The following BABAM2 variants were observed in gnomAD, a reference collection of about 807,000 sequenced individuals.
BABAM2 encodes BRISC and BRCA1 A complex member 2.
Under a neutral mutation model 54.7 loss-of-function variants are expected in BABAM2, and 31 were observed. That is an observed-to-expected ratio of 0.57 (90% confidence interval 0.43 to 0.77). BABAM2 has a LOEUF of 0.77. Among genes scored for constraint, BABAM2 ranks in the 30% least tolerant of loss-of-function variants. The pLI is 0.00. For missense variants in BABAM2, 364 were observed against 455.8 expected (o/e 0.80, Z 1.83); for synonymous variants, 167 against 162.9 (o/e 1.03, Z -0.19).
At chr2:28,048,499 A>G (rs1239091123) in intron 6 of BABAM2, among the ~76,000 whole-genome samples, 1 of 152,196 alleles carries the variant, frequency 6.6e-6, no homozygotes, top group Non-Finnish European at 1.5e-5. Flanking sequence ...CACGAAAAAT[A>G]TTTCTGTATT....
chr2:28,045,826 GA>G, intron 6 of BABAM2, 27 bp downstream of exon 6: 1 of 1,526,476 alleles, frequency 6.6e-7, no homozygotes, highest in Non-Finnish European at 9.0e-7. Context: ...TTCAGTATGA[GA>G]ATATAAGTGA....
chr2:27,946,012 C>T (rs549931175), intron 3 of BABAM2, among the ~76,000 whole-genome samples: 5 of 151,994 alleles, frequency 3.3e-5, no homozygotes, highest in African/African-American at 1.2e-4. Flanking sequence ...ATTTATATTT[C>T]TCATTCTTGT....
intron 7 of BABAM2, among the ~76,000 whole-genome samples, chr2:28,162,549 G>T (rs899607722): frequency 6.6e-6 from 1 of 152,176 alleles, no homozygotes; most frequent in Non-Finnish European, 1.5e-5. Flanking sequence ...GCGAATGATA[G>T]CTCTTCCTAG....
chr2:28,055,712 T>C (rs1404955918), intron 6 of BABAM2, among the ~76,000 whole-genome samples: 6 of 152,080 alleles, frequency 3.9e-5, no homozygotes, highest in African/African-American at 1.4e-4. Flanking sequence ...AAATTAAAAA[T>C]AGAACTACCA....
At chr2:28,084,591 C>T (rs1038611603) in intron 6 of BABAM2, among the ~76,000 whole-genome samples, 1 of 152,046 alleles carries the variant, frequency 6.6e-6, no homozygotes, top group East Asian at 1.9e-4. Flanking sequence ...CCTTGGGTGT[C>T]TTCATTTTGG....
At chr2:27,916,849 G>A (rs1406240961) in intron 2 of BABAM2, among the ~76,000 whole-genome samples, 2 of 151,910 alleles carry the variant, frequency 1.3e-5, no homozygotes, top group Non-Finnish European at 2.9e-5. Flanking sequence ...CACTAATTTG[G>A]CAATTAATCA....
chr2:27,890,341 G>A (rs1267579665), upstream of BABAM2: 2 of 1,613,038 alleles, frequency 1.2e-6, no homozygotes, highest in Non-Finnish European at 8.5e-7. The surrounding 1 kb of genome is among the most constrained non-coding windows in gnomAD (Gnocchi z 4.8). Context: ...CCCAGACGCC[G>A]CCATCGCTCA....
At chr2:28,273,586 G>T (rs961750862) in intron 10 of BABAM2, among the ~76,000 whole-genome samples, 26 of 152,286 alleles carry the variant, frequency 1.7e-4, no homozygotes, top group Non-Finnish European at 3.7e-4. Flanking sequence ...GCATGTAGTG[G>T]CATGGACTTG....
At chr2:28,334,650 A>G (rs1003091342) in intron 11 of BABAM2, among the ~76,000 whole-genome samples, 2 of 152,214 alleles carry the variant, frequency 1.3e-5, no homozygotes, top group Non-Finnish European at 2.9e-5. Flanking sequence ...GCGGGGCCAC[A>G]AGGCTCTCTC....
intron 7 of BABAM2, among the ~76,000 whole-genome samples, chr2:28,129,958 T>C (rs888270339): frequency 1.1e-4 from 17 of 152,244 alleles, no homozygotes; most frequent in African/African-American, 4.1e-4. Flanking sequence ...CCAAGTAACA[T>C]TATTCATCAG....
Position 28,244,430 on chromosome 2 carries a change from T to C in BABAM2, c.852-350T>C, listed in dbSNP as rs138702694. On this transcript the variant is annotated intron_variant, in intron 9 of 11. Transcript: ENST00000379624. Reference sequence around the variant, plus strand: ...TTCTACTCATAATTAATGTAATAACTCACATTTGTATAGTATTTTATGATT... The same window carrying C: ...TTCTACTCATAATTAATGTAATAACCCACATTTGTATAGTATTTTATGATT... 7.3e-3 allele frequency among the ~76,000 whole-genome samples: 1,074 copies of C among 147,060 alleles called. 14 individuals are homozygous for C. Among genetic ancestry groups the C allele is most frequent in the South Asian group, 0.053 (233 of 4,418 alleles).
At chr2:28,236,124 A>T (rs909215421) in intron 7 of BABAM2, among the ~76,000 whole-genome samples, 2 of 152,172 alleles carry the variant, frequency 1.3e-5, no homozygotes, top group African/African-American at 4.8e-5. Context: ...AGGGATTTTT[A>T]AAAATATCCC....
In BABAM2 at chr2:27,894,535, G is replaced by T. The variant is rs1411504253; in HGVS notation, c.-22G>T. ...TTATTCTTTCCTTCTGCTTTCAGTGGTGATTTACAAGTCAAGTTAAAATGT... is the reference window on the plus strand; with the variant it reads ...TTATTCTTTCCTTCTGCTTTCAGTGTTGATTTACAAGTCAAGTTAAAATGT... On this transcript the variant is annotated splice_region_variant and 5_prime_UTR_variant, in exon 2 of 12. Transcript: ENST00000379624. 2.5e-6 allele frequency: 4 copies of T among 1,613,058 alleles called. No individual in the cohort carries two copies. In the African/African-American group the frequency reaches 5.3e-5, roughly 22 times the overall value.
chr2:27,963,289 G>A (rs1670602312), intron 3 of BABAM2, among the ~76,000 whole-genome samples: 1 of 152,022 alleles, frequency 6.6e-6, no homozygotes, highest in Admixed American at 6.6e-5. Flanking sequence ...GGCCAACATG[G>A]CAAAACCCCG....
At chr2:28,204,434 G>A (rs866938692) in intron 7 of BABAM2, among the ~76,000 whole-genome samples, 3 of 152,084 alleles carry the variant, frequency 2.0e-5, no homozygotes, top group African/African-American at 7.2e-5. Flanking sequence ...AAACCTTCGG[G>A]AGAAGTATAA....
chr2:28,286,568 C>A (rs953998702), intron 10 of BABAM2, among the ~76,000 whole-genome samples: 7 of 152,178 alleles, frequency 4.6e-5, no homozygotes, highest in Non-Finnish European at 1.0e-4. Context: ...ACTTTTCCCT[C>A]TGCCTGGATT....
At chr2:28,175,321 C>T (rs374506971) in intron 7 of BABAM2, among the ~76,000 whole-genome samples, 6 of 152,172 alleles carry the variant, frequency 3.9e-5, no homozygotes, top group East Asian at 1.9e-4. Flanking sequence ...TGCCACCACC[C>T]GAGCACTCCA....
chr2:28,016,540 G>A (rs1384720000), intron 4 of BABAM2: 77 of 678,062 alleles, frequency 1.1e-4, no homozygotes, highest in Non-Finnish European at 1.8e-4. Context: ...AGAGATGGCC[G>A]AAGCGGGCCC....
intron 6 of BABAM2, among the ~76,000 whole-genome samples, chr2:28,075,706 A>G (rs1339840301): frequency 1.3e-5 from 2 of 152,198 alleles, no homozygotes; most frequent in East Asian, 3.8e-4. Context: ...TAAATGCAGT[A>G]TGCAGTATTT....
Sources: allele counts gnomAD v4.1 joint callset (sites outside exome capture counted in the v4.1 genomes callset), GRCh38; gene constraint gnomAD v4.1.1; non-coding constraint Gnocchi (gnomAD v3.1); transcripts MANE v1.5; gene names NCBI Gene and HGNC (gene_info 2026-07-23, HGNC 2026-07-21).